AOPEP: variants seen among roughly 807,000 people sequenced by gnomAD.
AOPEP encodes aminopeptidase O (putative), also known as aminopeptidase O.
In AOPEP, 77 loss-of-function variants were observed where a neutral mutation model predicts 98.1. The observed-to-expected ratio is 0.78, with a 90% CI of 0.65 to 0.95. AOPEP has a LOEUF of 0.95. Among genes scored for constraint, AOPEP ranks in the 40% least tolerant of loss-of-function variants. The pLI is 0.00. For missense variants in AOPEP, 1,024 were observed against 1,024.7 expected, an observed-to-expected ratio of 1.00 and a Z score of 0.01; for synonymous variants, 346 against 365.3, an observed-to-expected ratio of 0.95 and a Z score of 0.60.
At chr9:95,033,893 A>G (rs1035418275) in intron 13 of AOPEP, among the ~76,000 whole-genome samples, 1 of 152,246 alleles carries the variant, frequency 6.6e-6, no homozygotes, top group Admixed American at 6.5e-5. Flanking sequence ...ATTTGTGAGC[A>G]GTTAAATTTG....
chr9:94,873,391 T>G (rs1461556547), intron 5 of AOPEP, among the ~76,000 whole-genome samples: 1 of 152,232 alleles, frequency 6.6e-6, no homozygotes, highest in Non-Finnish European at 1.5e-5. Context: ...GATTCCAGAA[T>G]TCTTTGGAAT....
chr9:94,946,873 C>G (rs979238162), intron 7 of AOPEP, among the ~76,000 whole-genome samples: 6 of 151,982 alleles, frequency 3.9e-5, no homozygotes, highest in African/African-American at 1.5e-4. Context: ...TGGAGTGGAA[C>G]TGTTATTGCA....
chr9:94,774,537 T>C (rs1360127948), intron 3 of AOPEP, among the ~76,000 whole-genome samples: 2 of 152,150 alleles, frequency 1.3e-5, no homozygotes, highest in East Asian at 1.9e-4. Flanking sequence ...TCACTTATAG[T>C]GTATCTTGAA....
rs545525527 is a variant in AOPEP, at chr9:95,035,085, C to T, written c.2116-25609C>T. On this transcript the variant is annotated intron_variant, in intron 13 of 16. Coordinates refer to ENST00000375315, the MANE Select transcript of AOPEP (RefSeq NM_001193329.3). ...GCTGCACCCATCAACCCATCATTTA[C>T]GTTAGGTATTTCTCCTAATGCTATC... Among the ~76,000 whole-genome samples, 9 of 151,464 alleles carry T rather than the reference C, an allele frequency of 5.9e-5. No homozygotes were observed. The South Asian group carries it at 1.0e-3, about 18-fold the overall frequency.
At chr9:94,750,734 T>G (rs1047241983) in intron 1 of AOPEP, among the ~76,000 whole-genome samples, 5 of 151,068 alleles carry the variant, frequency 3.3e-5, no homozygotes, top group African/African-American at 1.2e-4. Flanking sequence ...TCTGATGATT[T>G]TTCTTTTCTT....
chr9:95,083,650 G>A (rs1266909258), intron 16 of AOPEP, among the ~76,000 whole-genome samples: 2 of 147,020 alleles, frequency 1.4e-5, no homozygotes, highest in Non-Finnish European at 3.0e-5. Context: ...CACACACAGC[G>A]CGTGCACCAC....
intron 5 of AOPEP, among the ~76,000 whole-genome samples, chr9:94,842,576 T>G (rs1028166184): frequency 4.6e-5 from 7 of 152,232 alleles, no homozygotes. Flanking sequence ...AAACACATTT[T>G]AAATAACTGA....
At chr9:94,821,873 C>A (rs773749225) in intron 5 of AOPEP, among the ~76,000 whole-genome samples, 1 of 151,976 alleles carries the variant, frequency 6.6e-6, no homozygotes, top group Non-Finnish European at 1.5e-5. Context: ...ATGTTCTTTA[C>A]CAGCATGGCA....
downstream of AOPEP, among the ~76,000 whole-genome samples, chr9:95,092,074 GTGTGTGTGCA>G (rs1357194105): frequency 6.6e-6 from 1 of 151,090 alleles, no homozygotes; most frequent in Non-Finnish European, 1.5e-5. Context: ...GTGTGTGTGT[GTGTGTGTGCA>G]CACACACACA....
intron 7 of AOPEP, chr9:94,931,653 G>A (rs1321933746): frequency 5.0e-6 from 5 of 1,003,676 alleles, no homozygotes; most frequent in Non-Finnish European, 7.7e-6. Flanking sequence ...CTTTCAAGAT[G>A]CCCCATGGTC....
chr9:94,872,977 T>G (rs1379438928), intron 5 of AOPEP, among the ~76,000 whole-genome samples: 1 of 151,790 alleles, frequency 6.6e-6, no homozygotes, highest in African/African-American at 2.4e-5. Context: ...GAACCCAGAG[T>G]CCAGGAGAGG....
chr9:95,090,595 C>T (rs2070853619), downstream of AOPEP, among the ~76,000 whole-genome samples: 1 of 152,166 alleles, frequency 6.6e-6, no homozygotes, highest in African/African-American at 2.4e-5. Flanking sequence ...ACTTGGTCGC[C>T]TGCAGGCCTC....
At chr9:95,092,211 TTTG>T in the AOPEP span, among the ~76,000 whole-genome samples, 9 of 152,138 alleles carry the variant, frequency 5.9e-5, no homozygotes, top group African/African-American at 2.2e-4. Context: ...CCCTGCGGTG[TTTG>T]TTGAGATAAA....
chr9:95,002,092 A>G (rs2061599101), intron 11 of AOPEP, among the ~76,000 whole-genome samples: 1 of 151,972 alleles, frequency 6.6e-6, no homozygotes, highest in Non-Finnish European at 1.5e-5. Flanking sequence ...TTATAAAGTT[A>G]CCCTGGCAAT....
chr9:95,120,512 T>G, the AOPEP span, among the ~76,000 whole-genome samples: 7 of 151,886 alleles, frequency 4.6e-5, no homozygotes, highest in Admixed American at 2.6e-4. Flanking sequence ...CGTTCTGGGC[T>G]CAAGCAATCC....
the AOPEP span, chr9:95,101,463 C>G: frequency 3.5e-6 from 2 of 567,860 alleles, no homozygotes; most frequent in Admixed American, 6.0e-5. Context: ...CGGGCGGGCA[C>G]CAGGAGTACC....
intron 5 of AOPEP, among the ~76,000 whole-genome samples, chr9:94,818,251 C>T (rs1852147187): frequency 6.6e-6 from 1 of 152,220 alleles, no homozygotes; most frequent in Non-Finnish European, 1.5e-5. Context: ...ATACTGGTTC[C>T]TTGCTTCAGT....
chr9:94,942,015 A>G (rs2057062940), intron 7 of AOPEP, among the ~76,000 whole-genome samples: 1 of 152,222 alleles, frequency 6.6e-6, no homozygotes, highest in Non-Finnish European at 1.5e-5. Flanking sequence ...GAATCTTGGG[A>G]AAGTAAATTT....
chr9:95,130,760 C>T, the AOPEP span, among the ~76,000 whole-genome samples: 1 of 152,180 alleles, frequency 6.6e-6, no homozygotes, highest in Admixed American at 6.5e-5. Flanking sequence ...ATATTCACTA[C>T]AAAATACCTT....
Sources: allele counts gnomAD v4.1 joint callset (sites outside exome capture counted in the v4.1 genomes callset), GRCh38; gene constraint gnomAD v4.1.1; transcripts MANE v1.5; gene names NCBI Gene and HGNC (gene_info 2026-07-23, HGNC 2026-07-21).